The following DGKB variants were observed in gnomAD, a reference collection of about 807,000 sequenced individuals.
The protein encoded by DGKB is diacylglycerol kinase beta, also known as 90 kDa diacylglycerol kinase.
A neutral mutation model predicts 114.3 loss-of-function variants in DGKB; 67 were observed. That is an observed-to-expected ratio of 0.59 (90% CI 0.48 to 0.72). DGKB has a LOEUF of 0.72. Ranked by LOEUF, DGKB falls within the 30% of genes least tolerant of loss-of-function variation. The pLI, the probability that DGKB is intolerant of heterozygous loss-of-function variation, is 0.00. For missense variants in DGKB, 907 were observed against 975.2 expected, an observed-to-expected ratio of 0.93 and a Z score of 0.93; for synonymous variants, 398 against 323.1, an observed-to-expected ratio of 1.23 and a Z score of -2.49.
intron 17 of DGKB, among the ~76,000 whole-genome samples, chr7:14,605,055 T>C (rs959433144): frequency 1.3e-5 from 2 of 152,154 alleles, no homozygotes; most frequent in African/African-American, 4.8e-5. Flanking sequence ...TAGCCACTGA[T>C]ACCATAAAAA....
Position 14,412,075 on chromosome 7 carries a change from G to C in DGKB, c.1835+66086C>G, listed in dbSNP as rs1824976851. Among the ~76,000 whole-genome samples the C allele has an allele frequency of 2.6e-5, 4 of 152,256 alleles. No individual in the cohort carries two copies. The South Asian group carries it at 8.3e-4, about 32-fold the overall frequency. ...ATAAAGGGCAGGTATTTCTGTGTAT[G>C]GGTCATGCATGAGCATGATATGATG... On this transcript the variant is annotated intron_variant, in intron 21 of 25. Coordinates refer to ENST00000402815, the MANE Select transcript of DGKB (RefSeq NM_001350709.2).
intron 21 of DGKB, among the ~76,000 whole-genome samples, chr7:14,439,846 C>T (rs139573073): frequency 0.029 from 3,582 of 125,684 alleles, 178 homozygotes; most frequent in African/African-American, 0.1. Flanking sequence ...GCCTGGACGA[C>T]AGAGTGAGAC....
At chr7:14,384,189 T>C (rs1583550511) in intron 21 of DGKB, among the ~76,000 whole-genome samples, 1 of 152,310 alleles carries the variant, frequency 6.6e-6, no homozygotes, top group East Asian at 1.9e-4. Context: ...AATTTGAAAA[T>C]CAGTTTGGTT....
At chr7:14,345,178 C>T in intron 22 of DGKB, 123 bp downstream of exon 22, 1 of 577,606 alleles carries the variant, frequency 1.7e-6, no homozygotes, top group African/African-American at 2.0e-5. Flanking sequence ...AATTTAAAAT[C>T]TTGAGTAAGT....
intron 23 of DGKB, among the ~76,000 whole-genome samples, chr7:14,225,747 G>A (rs1229301544): frequency 6.6e-6 from 1 of 151,514 alleles, no homozygotes; most frequent in African/African-American, 2.4e-5. Flanking sequence ...AACAATTAGT[G>A]GATTAATTAA....
intron 13 of DGKB, among the ~76,000 whole-genome samples, chr7:14,643,547 C>G (rs564885586): frequency 4.5e-4 from 68 of 152,258 alleles, no homozygotes; most frequent in African/African-American, 1.6e-3. Flanking sequence ...TCTCATGAAA[C>G]CAACTGGAAC....
chr7:14,401,274 T>C (rs1037830449), intron 21 of DGKB, among the ~76,000 whole-genome samples: 3 of 151,946 alleles, frequency 2.0e-5, no homozygotes, highest in African/African-American at 7.2e-5. Flanking sequence ...CAACCTTTAA[T>C]AGTAATGTGA....
chr7:14,161,858 A>G (rs975588540), intron 25 of DGKB, among the ~76,000 whole-genome samples: 1 of 152,164 alleles, frequency 6.6e-6, no homozygotes, highest in Non-Finnish European at 1.5e-5. Flanking sequence ...GTCTCCTCCA[A>G]AGAAATATAT....
At chr7:14,362,777 A>G (rs1815983686) in intron 21 of DGKB, among the ~76,000 whole-genome samples, 1 of 152,122 alleles carries the variant, frequency 6.6e-6, no homozygotes, top group Admixed American at 6.6e-5. Flanking sequence ...ATATTAATGT[A>G]TTACAATGTA....
intron 2 of DGKB, among the ~76,000 whole-genome samples, chr7:14,815,550 A>T (rs750179302): frequency 6.6e-5 from 10 of 152,196 alleles, no homozygotes; most frequent in Non-Finnish European, 1.3e-4. Context: ...TCTCTTGCTT[A>T]CATAGGTGCT....
At chr7:14,722,811 AAAAT>A (rs920885814) in intron 5 of DGKB, among the ~76,000 whole-genome samples, 3 of 151,904 alleles carry the variant, frequency 2.0e-5, no homozygotes, top group Admixed American at 6.6e-5. Context: ...AACTGTCTCA[AAAAT>A]AAATAAATAA....
intron 21 of DGKB, among the ~76,000 whole-genome samples, chr7:14,439,066 C>T (rs1829688451): frequency 6.6e-6 from 1 of 151,480 alleles, no homozygotes; most frequent in Non-Finnish European, 1.5e-5. Context: ...GATGAAATAT[C>T]TCCAACTAAA....
chr7:14,853,731 G>C (rs1268954692), intron 1 of DGKB, among the ~76,000 whole-genome samples: 3 of 151,494 alleles, frequency 2.0e-5, no homozygotes, highest in Non-Finnish European at 4.4e-5. Context: ...AGCCGGGAGT[G>C]GTGGTGGGCG....
chr7:14,551,963 C>A (rs533226186), intron 20 of DGKB, among the ~76,000 whole-genome samples: 2 of 151,654 alleles, frequency 1.3e-5, no homozygotes, highest in African/African-American at 4.8e-5. Context: ...TTTATTAAGC[C>A]CTAATGTTCT....
At chr7:14,442,835 T>C (rs1192993958) in intron 21 of DGKB, among the ~76,000 whole-genome samples, 1 of 152,112 alleles carries the variant, frequency 6.6e-6, no homozygotes. Context: ...TATGTGCCAC[T>C]GTGCCCCACT....
At chr7:14,265,340 C>CTTTTTTTTTTTTTTTTTTTTTTTTTTT (rs1797347763) in intron 23 of DGKB, among the ~76,000 whole-genome samples, 1 of 21,274 alleles carries the variant, frequency 4.7e-5, no homozygotes, top group Non-Finnish European at 8.1e-5. Context: ...TTTTTTTTTG[C>CTTTTTTTTTTTTTTTTTTTTTTTTTTT]TTAGTAGTCT....
chr7:14,240,861 G>A (rs1793533917), intron 23 of DGKB, among the ~76,000 whole-genome samples: 1 of 152,078 alleles, frequency 6.6e-6, no homozygotes, highest in South Asian at 2.1e-4. Context: ...AATAAGCACA[G>A]AGGTATCTGA....
intron 1 of DGKB, among the ~76,000 whole-genome samples, chr7:14,897,381 T>C (rs879372816): frequency 2.0e-5 from 3 of 151,900 alleles, no homozygotes; most frequent in Admixed American, 2.0e-4. Context: ...AGTGAAGTCT[T>C]GAATGTCTGC....
chr7:14,504,123 A>G (rs926260165), intron 20 of DGKB, among the ~76,000 whole-genome samples: 2 of 152,202 alleles, frequency 1.3e-5, no homozygotes, highest in African/African-American at 2.4e-5. Flanking sequence ...ACAATACACT[A>G]TATCATAGTA....
Sources: gnomAD v4.1 joint callset for allele counts (sites outside exome capture counted in the v4.1 genomes callset) on GRCh38, gnomAD v4.1.1 for gene constraint, MANE v1.5 for transcripts, NCBI Gene and HGNC (gene_info 2026-07-23, HGNC 2026-07-21) for gene names.